The following RASSF3 variants were observed in gnomAD, a reference collection of about 807,000 sequenced individuals.
RASSF3 encodes the protein Ras association domain family member 3, also known as ras association domain-containing protein 3.
RASSF3 carries 19 observed loss-of-function variants against 19.9 expected under a neutral mutation model. The ratio of observed to expected loss-of-function variants is 0.96; its 90% CI spans 0.67 to 1.40. The LOEUF is 1.40. Ranked by LOEUF, RASSF3 falls within the 40% of genes most tolerant of loss-of-function variation. RASSF3 has a pLI of 0.00. For synonymous variants in RASSF3, 110 were observed against 104.2 expected, an observed-to-expected ratio of 1.06 and a Z score of -0.34; for missense variants, 306 against 289.8, an observed-to-expected ratio of 1.06 and a Z score of -0.41.
At chr12:64,641,130 A>G (rs1409428832) in intron 1 of RASSF3, among the ~76,000 whole-genome samples, 2 of 152,094 alleles carry the variant, frequency 1.3e-5, no homozygotes, top group South Asian at 2.1e-4. Context: ...AGTTGAAAAT[A>G]AAGGCCTGTA....
chr12:64,619,273 C>T (rs1326120864), intron 1 of RASSF3, among the ~76,000 whole-genome samples: 1 of 151,224 alleles, frequency 6.6e-6, no homozygotes, highest in Admixed American at 6.6e-5. Flanking sequence ...TCAGCCTATC[C>T]AGGGACACAC....
At chr12:64,582,226 T>A (rs762664786) in intron 2 of RASSF3, among the ~76,000 whole-genome samples, 10 of 152,108 alleles carry the variant, frequency 6.6e-5, no homozygotes, top group Non-Finnish European at 1.3e-4. Context: ...AAGATTAGGG[T>A]CTATTGTAAA....
chr12:64,639,827 A>G (rs1342571458), intron 1 of RASSF3, among the ~76,000 whole-genome samples: 1 of 152,212 alleles, frequency 6.6e-6, no homozygotes, highest in Non-Finnish European at 1.5e-5. Context: ...TTGCTTCTCC[A>G]AACACTTAAC....
intron 1 of RASSF3, among the ~76,000 whole-genome samples, chr12:64,678,654 A>AAAAAAAC (rs1872998542): frequency 3.3e-5 from 5 of 150,328 alleles, no homozygotes; most frequent in African/African-American, 1.2e-4. Context: ...ATACCAAAAA[A>AAAAAAAC]AAAAAAAAAA....
chr12:64,550,056 A>G (rs73317511), intron 2 of RASSF3, among the ~76,000 whole-genome samples: 3,137 of 152,214 alleles, frequency 0.021, 104 homozygotes, highest in African/African-American at 0.071. Context: ...TTTACAAAAG[A>G]AGAAATAACA....
intron 2 of RASSF3, among the ~76,000 whole-genome samples, chr12:64,570,436 C>A (rs1284265971): frequency 6.6e-6 from 1 of 152,150 alleles, no homozygotes; most frequent in Non-Finnish European, 1.5e-5. Flanking sequence ...CAGAGCTGAA[C>A]TCAACACCAA....
chr12:64,525,901 C>T (rs553749470), intron 1 of RASSF3, among the ~76,000 whole-genome samples: 47 of 147,602 alleles, frequency 3.2e-4, no homozygotes, highest in African/African-American at 1.1e-3. Context: ...ATCATCAGCA[C>T]GTTACCTCCG....
intron 1 of RASSF3, among the ~76,000 whole-genome samples, chr12:64,662,878 T>G (rs1162753475): frequency 6.6e-6 from 1 of 152,040 alleles, no homozygotes; most frequent in Admixed American, 6.6e-5. Flanking sequence ...CAGCAAGGCT[T>G]AGGGTTTGAA....
intron 1 of RASSF3, among the ~76,000 whole-genome samples, chr12:64,537,993 CTCTT>C (rs1272951980): frequency 5.3e-5 from 8 of 150,940 alleles, no homozygotes; most frequent in Non-Finnish European, 1.2e-4. Flanking sequence ...TACTCGCCTC[CTCTT>C]TTTTTTTTTT....
upstream of RASSF3, among the ~76,000 whole-genome samples, chr12:64,531,769 G>A (rs1592391161): frequency 6.6e-6 from 1 of 152,282 alleles, no homozygotes; most frequent in Non-Finnish European, 1.5e-5. Flanking sequence ...GAATTTACAG[G>A]GACCTTAGAG....
chr12:64,660,040 A>G lies in RASSF3; in HGVS notation c.112-24747A>G, dbSNP rs546338359. ...TGTGTGTGTGTGTATGTGTATATAT[A>G]TGTGTGTGTATGTATATATATATGT... On this transcript the variant is annotated intron_variant, in intron 1 of 4. Coordinates refer to ENST00000542104, the MANE Select transcript of RASSF3 (RefSeq NM_178169.4). 1.5e-3 allele frequency among the ~76,000 whole-genome samples: 177 copies of G among 121,562 alleles called. 1 individual carries two copies. Among genetic ancestry groups the G allele is most frequent in the East Asian group, 9.6e-3 (43 of 4,494 alleles). The allele number at this position is 121,562 out of a possible 152,430, so 79.7% of individuals were successfully genotyped here.
intron 1 of RASSF3, among the ~76,000 whole-genome samples, chr12:64,660,385 C>G (rs1872313552): frequency 1.3e-5 from 2 of 152,254 alleles, no homozygotes; most frequent in South Asian, 4.2e-4. Context: ...ACTAGGCACT[C>G]TAAAGGCACC....
At position 64,541,611 on chromosome 12, in the gene RASSF3, G is replaced by A. The variant is rs147913470; in HGVS notation, c.98G>A (p.Arg33Gln). The change falls in exon 2 of 2, where the codon CGA becomes CAA. Residue 33 changes from arginine (R) to glutamine (Q), a missense_variant. Arg to Gln is a conservative substitution (Grantham distance 43). Coordinates refer to the RASSF3 transcript ENST00000636333. ...AAATATATATGTCATGCTCACTGCC[G>A]AGACCTGGTACATCTGGATTATCCA... 6.0e-5 allele frequency: 24 copies of A among 398,588 alleles called. No individual in the cohort carries two copies. In the East Asian group the frequency reaches 7.5e-4, roughly 12 times the overall value. The allele number at this position is 398,588 out of a possible 1,614,324, so 24.7% of individuals were successfully genotyped here.
chr12:64,601,255 C>T (rs913641564), intron 2 of RASSF3, among the ~76,000 whole-genome samples: 2 of 152,130 alleles, frequency 1.3e-5, no homozygotes, highest in Admixed American at 1.3e-4. Context: ...TGCCACTGCA[C>T]TCAGCCTAGG....
At chr12:64,556,378 G>T (rs1282269943) in intron 2 of RASSF3, among the ~76,000 whole-genome samples, 1 of 151,966 alleles carries the variant, frequency 6.6e-6, no homozygotes, top group African/African-American at 2.4e-5. Flanking sequence ...GGCTGGTCTC[G>T]AATTCCTGGG....
intron 1 of RASSF3, among the ~76,000 whole-genome samples, chr12:64,670,150 C>T (rs988972685): frequency 6.6e-6 from 1 of 151,834 alleles, no homozygotes; most frequent in African/African-American, 2.4e-5. Context: ...TCTGTATGTG[C>T]AGTTGGTGCC....
At chr12:64,617,599 C>T (rs971467890) in intron 1 of RASSF3, among the ~76,000 whole-genome samples, 2 of 152,092 alleles carry the variant, frequency 1.3e-5, no homozygotes, top group African/African-American at 4.8e-5. Flanking sequence ...GCTCTGTCAC[C>T]CAGGCTGGAG....
In RASSF3 at chr12:64,570,121, G is replaced by T. The variant is rs73128247; in HGVS notation, c.294+28416G>T. On this transcript the variant is annotated intron_variant, in intron 2 of 5. Transcript: ENST00000637125. ...CTTCCGCCTTGGCTGTTTCAGATTT[G>T]ACCTTGGCTCACTCAGACTTTGGCC... Among the ~76,000 whole-genome samples, 784 of 152,262 alleles carry T rather than the reference G, an allele frequency of 5.1e-3. 3 individuals carry two copies. The highest frequency in any genetic ancestry group is 8.5e-3 in the Non-Finnish European group (578 of 68,022).
At chr12:64,670,547 T>C (rs1221746209) in intron 1 of RASSF3, among the ~76,000 whole-genome samples, 55 of 143,352 alleles carry the variant, frequency 3.8e-4, no homozygotes, top group East Asian at 2.7e-3. Context: ...TCTCTCTCTT[T>C]TTTTTTTTTT....
Sources: gnomAD v4.1 joint callset for allele counts (sites outside exome capture counted in the v4.1 genomes callset) on GRCh38, gnomAD v4.1.1 for gene constraint, MANE v1.5 for transcripts, NCBI Gene and HGNC (gene_info 2026-07-23, HGNC 2026-07-21) for gene names.